DPP10: variants seen among roughly 807,000 people sequenced by gnomAD.
DPP10 encodes dipeptidyl peptidase like 10, also known as inactive dipeptidyl peptidase 10.
A neutral mutation model predicts 120.9 loss-of-function variants in DPP10; 33 were observed. That is an observed-to-expected ratio of 0.27 (90% CI 0.21 to 0.37). The LOEUF (loss-of-function observed/expected upper bound fraction) is 0.37, where lower values mean the gene tolerates loss of function less well. Ranked by LOEUF, DPP10 falls within the 10% of genes least tolerant of loss-of-function variation. The pLI, the probability that DPP10 is intolerant of heterozygous loss-of-function variation, is 1.00. For synonymous variants in DPP10, 337 were observed against 326.1 expected (o/e 1.03, Z -0.36); for missense variants, 816 against 942.8 (o/e 0.87, Z 1.76).
intron 1 of DPP10, among the ~76,000 whole-genome samples, chr2:114,447,443 G>A (rs1678007778): frequency 6.6e-6 from 1 of 152,062 alleles, no homozygotes; most frequent in Admixed American, 6.6e-5. Flanking sequence ...ATTTAGAAAT[G>A]CAAGGAATGT....
intron 1 of DPP10, among the ~76,000 whole-genome samples, chr2:114,467,805 C>T (rs1165957337): frequency 6.6e-6 from 1 of 151,972 alleles, no homozygotes; most frequent in Non-Finnish European, 1.5e-5. Flanking sequence ...TTGAGACCAG[C>T]CTTGGCAACA....
At chr2:115,241,645 C>G (rs2058287076) in intron 1 of DPP10, among the ~76,000 whole-genome samples, 1 of 152,184 alleles carries the variant, frequency 6.6e-6, no homozygotes. Flanking sequence ...GACACACAGG[C>G]TTTCTTTCTG....
chr2:115,400,285 G>A (rs1442340478), intron 3 of DPP10, among the ~76,000 whole-genome samples: 1 of 152,138 alleles, frequency 6.6e-6, no homozygotes, highest in Non-Finnish European at 1.5e-5. Context: ...TGAATGGAAA[G>A]AAGTGAATGA....
intron 1 of DPP10, among the ~76,000 whole-genome samples, chr2:114,577,862 T>C (rs1690186729): frequency 6.6e-6 from 1 of 152,186 alleles, no homozygotes; most frequent in Admixed American, 6.5e-5. Context: ...ACATTCTTCC[T>C]GTAAGCCTCC....
At chr2:115,340,643 C>CT (rs201561707) in intron 2 of DPP10, among the ~76,000 whole-genome samples, 115 of 151,060 alleles carry the variant, frequency 7.6e-4, no homozygotes, top group African/African-American at 2.7e-3. Flanking sequence ...GACTTACAGC[C>CT]TTTTTTTTAA....
chr2:115,685,828 G>A (rs1050814325), intron 5 of DPP10, among the ~76,000 whole-genome samples: 1 of 151,932 alleles, frequency 6.6e-6, no homozygotes, highest in Non-Finnish European at 1.5e-5. Context: ...TCAAATTCTG[G>A]CAGGACTAAA....
chr2:115,337,895 G>T (rs936233485), intron 2 of DPP10, among the ~76,000 whole-genome samples: 6 of 151,900 alleles, frequency 3.9e-5, no homozygotes, highest in Non-Finnish European at 8.8e-5. Flanking sequence ...AGTTTTCTCA[G>T]TATTGAATAA....
chr2:115,018,482 T>A (rs1271578886), intron 1 of DPP10, among the ~76,000 whole-genome samples: 1 of 152,078 alleles, frequency 6.6e-6, no homozygotes, highest in Admixed American at 6.6e-5. Flanking sequence ...ATAGAATGGA[T>A]AAAGAAAATG....
intron 5 of DPP10, among the ~76,000 whole-genome samples, chr2:115,626,392 A>G (rs796138199): frequency 4.6e-5 from 7 of 152,218 alleles, no homozygotes; most frequent in African/African-American, 1.7e-4. Flanking sequence ...CAACAAATTA[A>G]GATTATAAAT....
chr2:115,476,136 A>G (rs899453206), intron 3 of DPP10, among the ~76,000 whole-genome samples: 3 of 152,096 alleles, frequency 2.0e-5, no homozygotes, highest in Non-Finnish European at 4.4e-5. Context: ...TTGTGTCCAT[A>G]CCCAAATCTC....
chr2:115,005,891 G>A (rs927120526), intron 1 of DPP10, among the ~76,000 whole-genome samples: 3 of 152,064 alleles, frequency 2.0e-5, no homozygotes, highest in Non-Finnish European at 1.5e-5. Flanking sequence ...TCCTCAAGAA[G>A]AGCAACTCCA....
intron 1 of DPP10, among the ~76,000 whole-genome samples, chr2:114,808,103 G>GAA (rs1684888532): frequency 6.6e-6 from 1 of 152,060 alleles, no homozygotes; most frequent in African/African-American, 2.4e-5. Flanking sequence ...ATGAACACAC[G>GAA]TCCTTTTATG....
At chr2:115,784,087 T>C (rs1344164275) in intron 17 of DPP10, among the ~76,000 whole-genome samples, 1 of 152,202 alleles carries the variant, frequency 6.6e-6, no homozygotes, top group African/African-American at 2.4e-5. Flanking sequence ...AACATTTCTG[T>C]CTAAGGGAAA....
At chr2:115,147,910 C>A (rs909883268) in intron 1 of DPP10, among the ~76,000 whole-genome samples, 31 of 152,096 alleles carry the variant, frequency 2.0e-4, no homozygotes, top group East Asian at 1.5e-3. Flanking sequence ...ATAGGGAAAC[C>A]CCGTTTGGAC....
At chr2:115,284,859 T>C (rs1420357259) in intron 1 of DPP10, among the ~76,000 whole-genome samples, 1 of 152,048 alleles carries the variant, frequency 6.6e-6, no homozygotes, top group Non-Finnish European at 1.5e-5. Context: ...TATTCTTCTT[T>C]CCCTTAGAAC....
chr2:115,679,654 A>T (rs2090513571), intron 5 of DPP10, among the ~76,000 whole-genome samples: 1 of 152,234 alleles, frequency 6.6e-6, no homozygotes, highest in South Asian at 2.1e-4. Flanking sequence ...AGGGAATAAT[A>T]TGCAGCTATT....
At chr2:115,173,785 T>A (rs1213086980) in intron 1 of DPP10, among the ~76,000 whole-genome samples, 3 of 152,194 alleles carry the variant, frequency 2.0e-5, no homozygotes, top group African/African-American at 7.2e-5. Context: ...CTTTAAGATG[T>A]ACATATATTC....
chr2:114,616,298 G>A (rs990451336), intron 1 of DPP10, among the ~76,000 whole-genome samples: 1 of 152,122 alleles, frequency 6.6e-6, no homozygotes, highest in Non-Finnish European at 1.5e-5. Flanking sequence ...ATGACTTGCT[G>A]TACCCAGTGG....
chr2:115,171,797 T>C (rs552323292), intron 1 of DPP10, among the ~76,000 whole-genome samples: 1 of 152,254 alleles, frequency 6.6e-6, no homozygotes, highest in East Asian at 1.9e-4. Flanking sequence ...TCTTGATTTC[T>C]CCTTTGTGAT....
Sources: allele counts gnomAD v4.1 joint callset (sites outside exome capture counted in the v4.1 genomes callset), GRCh38; gene constraint gnomAD v4.1.1; transcripts MANE v1.5; gene names NCBI Gene and HGNC (gene_info 2026-07-23, HGNC 2026-07-21).